WDFY4: variants seen among roughly 807,000 people sequenced by gnomAD.
WDFY4 encodes the protein WD repeat- and FYVE domain-containing protein 4.
In WDFY4, 169 loss-of-function variants were observed where a neutral mutation model predicts 351.9. That is an observed-to-expected ratio of 0.48 (90% CI 0.42 to 0.55). The LOEUF is 0.55. Ranked by LOEUF, WDFY4 falls within the 20% of genes least tolerant of loss-of-function variation. WDFY4 has a pLI of 0.00. For missense variants in WDFY4, 3,803 were observed against 3,935.6 expected (o/e 0.97, Z 0.90); for synonymous variants, 1,622 against 1,574.6 (o/e 1.03, Z -0.71).
At position 48,723,528 on chromosome 10, in the gene WDFY4, T is replaced by A. The variant is rs765936609; in HGVS notation, c.552T>A (p.Leu184=). 6.4e-7 allele frequency: 1 copy of A among 1,551,872 alleles called. No homozygotes were observed. Among genetic ancestry groups the A allele is most frequent in the South Asian group, 1.2e-5 (1 of 84,044 alleles). Residue 184 remains leucine (L), a synonymous_variant, in exon 5 of 62, where the codon CTT becomes CTA. Coordinates refer to ENST00000325239, the MANE Select transcript of WDFY4 (RefSeq NM_001394531.1). The part of the protein sequence containing the change: ...FFVFPLDKDE[L]LESDLQVQKM... ...TCTTTCCTCTGGACAAAGATGAGCT[T>A]CTTGAGAGTGATCTTCAAGTTCAAA... is the stretch of plus-strand genomic sequence containing the variant.
At chr10:48,700,811 G>T (rs2063459751) in intron 1 of WDFY4, among the ~76,000 whole-genome samples, 1 of 152,182 alleles carries the variant, frequency 6.6e-6, no homozygotes, top group African/African-American at 2.4e-5. Flanking sequence ...TTATCGTTAT[G>T]ATTTTATCGT....
chr10:48,893,225 G>A (rs944938825), intron 44 of WDFY4, among the ~76,000 whole-genome samples: 4 of 152,132 alleles, frequency 2.6e-5, no homozygotes, highest in African/African-American at 4.8e-5. Flanking sequence ...GTCTATCTCC[G>A]TGTCCAAATT....
At chr10:48,973,827 A>G (rs1162101486) in intron 57 of WDFY4, among the ~76,000 whole-genome samples, 23 of 152,232 alleles carry the variant, frequency 1.5e-4, no homozygotes, top group Non-Finnish European at 2.9e-5. Context: ...CATGAGTCAG[A>G]CCAGGCCCCA....
chr10:48,873,427 G>C, intron 40 of WDFY4, 64 bp from the exon 41 acceptor site: 1 of 1,463,506 alleles, frequency 6.8e-7, no homozygotes, highest in Non-Finnish European at 9.0e-7. Flanking sequence ...CAGGAGGTTT[G>C]GGGCCAGGCC....
chr10:48,844,639 G>A (rs1337681746), intron 39 of WDFY4, among the ~76,000 whole-genome samples: 1 of 152,136 alleles, frequency 6.6e-6, no homozygotes, highest in Non-Finnish European at 1.5e-5. Flanking sequence ...CAAGAGTGAG[G>A]CTTGGGGCTC....
chr10:48,873,322 A>G (rs76780846), intron 40 of WDFY4, among the ~76,000 whole-genome samples, 169 bp from the exon 41 acceptor site: 12 of 152,352 alleles, frequency 7.9e-5, no homozygotes, highest in East Asian at 3.9e-4. Flanking sequence ...CTGTTTCCTT[A>G]TAGTCCTGGC....
intron 39 of WDFY4, among the ~76,000 whole-genome samples, chr10:48,833,806 C>G (rs924266114): frequency 1.3e-5 from 2 of 152,150 alleles, no homozygotes; most frequent in Non-Finnish European, 2.9e-5. Context: ...CTGTGAGAAC[C>G]CAGAAAGGTT....
intron 1 of WDFY4, among the ~76,000 whole-genome samples, chr10:48,690,482 A>G (rs930833904): frequency 3.3e-5 from 5 of 152,180 alleles, no homozygotes; most frequent in African/African-American, 2.4e-5. Context: ...GGATGCAGTC[A>G]TGTGGAGGGT....
chr10:48,710,415 G>A (rs2063739305), intron 2 of WDFY4, among the ~76,000 whole-genome samples: 1 of 152,192 alleles, frequency 6.6e-6, no homozygotes, highest in Non-Finnish European at 1.5e-5. Context: ...TATGAATTTT[G>A]GGGAGACCCT....
chr10:48,709,693 A>G lies in WDFY4; in HGVS notation c.-17-23A>G, dbSNP rs758195998. The G allele has an allele frequency of 1.5e-5, 23 of 1,539,526 alleles. 3 individuals are homozygous for G. In the South Asian group the frequency reaches 2.6e-4, roughly 18 times the overall value. On this transcript the variant is annotated intron_variant, in intron 1 of 61. Transcript: ENST00000325239. ...AGGAAGTGATGTGACAGGAATGTTC[A>G]CTTCTATTTGTTCTGAATTCAGATC...
At chr10:48,873,778 T>A (rs190563441) in intron 41 of WDFY4, 81 bp downstream of exon 41, 2 of 1,443,120 alleles carry the variant, frequency 1.4e-6, no homozygotes, top group Non-Finnish European at 1.9e-6. Flanking sequence ...CCCCATCACA[T>A]GTTGTTTATA....
chr10:48,808,955 G>A (rs1286206488), intron 28 of WDFY4, among the ~76,000 whole-genome samples: 1 of 152,122 alleles, frequency 6.6e-6, no homozygotes, highest in African/African-American at 2.4e-5. Flanking sequence ...AAATGTAATT[G>A]TGTTTTTTTC....
Position 48,760,339 on chromosome 10 carries a change from C to G in WDFY4, c.2460-8C>G, listed in dbSNP as rs990622399. 1.1e-5 allele frequency: 17 copies of G among 1,550,880 alleles called. No homozygotes were observed. Among genetic ancestry groups the G allele is most frequent in the Non-Finnish European group, 3.5e-6 (4 of 1,146,490 alleles). ...GTGTCTCATGTCTGGCTCTCCCTCT[C>G]TCTGCAGGATGGATGAGGGAGATGC... On this transcript the variant is annotated splice_region_variant and splice_polypyrimidine_tract_variant and intron_variant, in intron 12 of 61. Coordinates refer to ENST00000325239, the MANE Select transcript of WDFY4 (RefSeq NM_001394531.1).
intron 35 of WDFY4, among the ~76,000 whole-genome samples, chr10:48,826,327 G>T (rs572836087): frequency 6.6e-6 from 1 of 152,170 alleles, no homozygotes; most frequent in Admixed American, 6.5e-5. Context: ...GTCTGTTTTT[G>T]TACCAATTCT....
chr10:48,897,340 A>C, intron 44 of WDFY4, 114 bp from the exon 45 acceptor site: 1 of 1,422,458 alleles, frequency 7.0e-7, no homozygotes, highest in East Asian at 2.5e-5. Flanking sequence ...CACTTCTCTG[A>C]TGTGTCATTG....
At chr10:48,829,720 C>T (rs1037564519) in intron 37 of WDFY4, among the ~76,000 whole-genome samples, 5 of 152,060 alleles carry the variant, frequency 3.3e-5, no homozygotes, top group Non-Finnish European at 5.9e-5. Flanking sequence ...GGCATAGTGG[C>T]GGGCACCTGT....
chr10:48,894,650 G>A (rs1025254699), intron 44 of WDFY4, among the ~76,000 whole-genome samples: 6 of 152,236 alleles, frequency 3.9e-5, no homozygotes, highest in African/African-American at 9.6e-5. Context: ...TACAGAGGAC[G>A]GAGAGCCATG....
At chr10:48,737,496 C>T (rs1254785071) in intron 11 of WDFY4, among the ~76,000 whole-genome samples, 1 of 152,210 alleles carries the variant, frequency 6.6e-6, no homozygotes, top group Non-Finnish European at 1.5e-5. Flanking sequence ...TATTTCTCTG[C>T]ACATTCGATG....
intron 28 of WDFY4, among the ~76,000 whole-genome samples, chr10:48,809,217 T>TCAC (rs1304328448): frequency 8.2e-5 from 12 of 145,968 alleles, no homozygotes; most frequent in African/African-American, 2.0e-4. Flanking sequence ...ACCACCATCA[T>TCAC]CACCACCACC....
Sources: gnomAD v4.1 joint callset for allele counts (sites outside exome capture counted in the v4.1 genomes callset) on GRCh38, gnomAD v4.1.1 for gene constraint, MANE v1.5 for transcripts, NCBI Gene and HGNC (gene_info 2026-07-23, HGNC 2026-07-21) for gene names.